The following TECTA variants were observed in gnomAD, a reference collection of about 807,000 sequenced individuals.
TECTA encodes tectorin alpha, also known as alpha-tectorin.
Under a neutral mutation model 216.8 loss-of-function variants are expected in TECTA, and 128 were observed. That is an observed-to-expected ratio of 0.59 (90% CI 0.51 to 0.68). The LOEUF is 0.68. Ranked by LOEUF, TECTA falls within the 30% of genes least tolerant of loss-of-function variation. TECTA has a pLI of 0.00. For synonymous variants in TECTA, 1,089 were observed against 1,117.1 expected (o/e 0.97, Z 0.50); for missense variants, 2,551 against 2,786.2 (o/e 0.92, Z 1.90).
At chr11:121,177,136 C>T (rs1314060033) in intron 20 of TECTA, among the ~76,000 whole-genome samples, 8 of 152,126 alleles carry the variant, frequency 5.3e-5, no homozygotes, top group East Asian at 1.9e-4. Flanking sequence ...TCCTGTAGCT[C>T]GGAGTAGTTT....
At chr11:121,188,150 G>A (rs999093286) in intron 21 of TECTA, among the ~76,000 whole-genome samples, 156 bp downstream of exon 21, 2 of 152,188 alleles carry the variant, frequency 1.3e-5, no homozygotes, top group East Asian at 3.9e-4. Flanking sequence ...AGAAAACGCA[G>A]GGAAATATAT....
Position 121,153,036 on chromosome 11 carries a change from C to G in TECTA, c.4261C>G (p.Leu1421Val). The change falls in exon 13 of 24, where the codon CTG (leucine) becomes GTG (valine). Residue 1421 changes from leucine to valine, a missense_variant. Physicochemically the swap from Leu to Val is conservative, Grantham distance 32. This residue lies in a region of TECTA where 2,375 missense variants were observed against 2,563.9 expected (regional missense o/e 0.93). Transcript: ENST00000392793. ...GYVLNGKSCI[L>V]PHSCGCYSDG... ...CGTCCTCAACGGCAAGAGCTGCATC[C>G]TGCCCCACAGCTGCGGCTGCTACTC... 6.2e-7 allele frequency: 1 copy of G among 1,614,186 alleles called. No individual in the cohort carries two copies. The highest frequency in any genetic ancestry group is 8.5e-7 in the Non-Finnish European group (1 of 1,180,038).
chr11:121,109,603 G>T (rs1946424633), intron 4 of TECTA, 105 bp downstream of exon 4: 1 of 1,380,862 alleles, frequency 7.2e-7, no homozygotes, highest in South Asian at 1.2e-5. Context: ...AGGAGTGTCA[G>T]TTCCCTTGAG....
chr11:121,130,162 C>G lies in TECTA; in HGVS notation c.2892C>G (p.Cys964Trp). The part of the protein sequence containing the change: ...CDSVARYASA[C>W]KNADVEVGPW... ...CTGTGGCCCGGTATGCAAGCGCCTG[C>G]AAGAATGCGGACGTGGAGGTGGGGC... Residue 964 changes from cysteine (C) to tryptophan (W), a missense_variant, in exon 10 of 24, where the codon TGC becomes TGG. This residue lies in a region of TECTA where 2,375 missense variants were observed against 2,563.9 expected (regional missense o/e 0.93). Coordinates refer to ENST00000392793, the MANE Select transcript of TECTA (RefSeq NM_005422.4). 1 of 1,606,112 alleles carries G rather than the reference C, an allele frequency of 6.2e-7. No homozygotes were observed. Among genetic ancestry groups the G allele is most frequent in the Non-Finnish European group, 8.5e-7 (1 of 1,179,990 alleles).
chr11:121,184,569 G>A, intron 20 of TECTA, among the ~76,000 whole-genome samples: 1 of 151,858 alleles, frequency 6.6e-6, no homozygotes, highest in Non-Finnish European at 1.5e-5. Context: ...GGTTTTCCAA[G>A]AGAAGAAGGG....
chr11:121,137,097 G>A (rs1946734573), intron 10 of TECTA, among the ~76,000 whole-genome samples: 2 of 152,142 alleles, frequency 1.3e-5, no homozygotes, highest in Admixed American at 1.3e-4. Context: ...CATATACAGA[G>A]GCACACACAT....
chr11:121,111,573 AG>A (rs1394900289), intron 4 of TECTA, among the ~76,000 whole-genome samples: 4 of 152,160 alleles, frequency 2.6e-5, no homozygotes, highest in African/African-American at 9.7e-5. Flanking sequence ...AGGTGACTTC[AG>A]GGGTTGGAAA....
At chr11:121,160,526 C>T in intron 15 of TECTA, 105 bp downstream of exon 15, 3 of 1,485,932 alleles carry the variant, frequency 2.0e-6, no homozygotes, top group Non-Finnish European at 2.8e-6. Context: ...TGCCCCTGCT[C>T]TCCTACAGAG....
chr11:121,102,001 C>T (rs1279120012), intron 1 of TECTA, among the ~76,000 whole-genome samples: 1 of 152,172 alleles, frequency 6.6e-6, no homozygotes, highest in Non-Finnish European at 1.5e-5. Context: ...GCGCTGGATT[C>T]TATTTTTATT....
intron 3 of TECTA, among the ~76,000 whole-genome samples, chr11:121,106,604 A>G (rs1269729708): frequency 2.0e-5 from 3 of 152,162 alleles, no homozygotes; most frequent in Non-Finnish European, 4.4e-5. Flanking sequence ...ACTGTGGCAC[A>G]TGAAGAGGAA....
rs746566852 is a variant in TECTA, at chr11:121,189,814, C to T, written c.6301C>T (p.Arg2101Trp). 6.8e-6 allele frequency: 11 copies of T among 1,613,762 alleles called. No individual in the cohort carries two copies. The highest frequency in any genetic ancestry group is 4.0e-5 in the African/African-American group (3 of 74,864). The part of the protein sequence containing the change: ...NGGCEQICTS[R>W]VDGPLCSCVT... The stretch of plus-strand genomic sequence containing the variant: ...AGGGTGTGAGCAGATTTGCACGAGC[C>T]GGGTGGATGGGCCTCTCTGCAGCTG... Residue 2101 changes from arginine (R) to tryptophan (W), a missense_variant, in exon 23 of 24, where the codon CGG (arginine) becomes TGG (tryptophan). Arg to Trp is a moderately radical substitution (Grantham distance 101). Around this residue, in one of 3 missense-constraint regions of TECTA, gnomAD observed 118 missense variants for 116.4 expected, o/e 1.01. Transcript: ENST00000392793.
At chr11:121,153,619 C>G (rs1017983166) in intron 13 of TECTA, among the ~76,000 whole-genome samples, 12 of 152,210 alleles carry the variant, frequency 7.9e-5, no homozygotes, top group African/African-American at 2.9e-4. Context: ...GGTATCATCC[C>G]TGGAGTTTGG....
At position 121,113,550 on chromosome 11, in the gene TECTA, C is replaced by G; in HGVS notation, c.625-3C>G. 6.2e-7 allele frequency: 1 copy of G among 1,614,016 alleles called. No individual in the cohort carries two copies. Among genetic ancestry groups the G allele is most frequent in the East Asian group, 2.2e-5 (1 of 44,882 alleles). On this transcript the variant is annotated splice_region_variant and splice_polypyrimidine_tract_variant and intron_variant, in intron 5 of 23. Coordinates refer to ENST00000392793, the MANE Select transcript of TECTA (RefSeq NM_005422.4). This position sits in a 1 kb window ranked among gnomAD's most constrained non-coding sequence, Gnocchi z 4.2. ...AAAATCTTGTCTTCCTTTTGTGCTG[C>G]AGGCAGGATTTAATGGTGGAAACCT... is the stretch of plus-strand genomic sequence containing the variant.
At chr11:121,107,463 G>A (rs1336590396) in intron 3 of TECTA, among the ~76,000 whole-genome samples, 1 of 152,150 alleles carries the variant, frequency 6.6e-6, no homozygotes, top group Non-Finnish European at 1.5e-5. Context: ...CAAACCCAAA[G>A]CCTTGCTTCC....
At chr11:121,152,353 G>A (rs552481528) in intron 12 of TECTA, among the ~76,000 whole-genome samples, 1 of 152,252 alleles carries the variant, frequency 6.6e-6, no homozygotes, top group Non-Finnish European at 1.5e-5. Flanking sequence ...AAAACGTTCT[G>A]TAGAAGCTCT....
rs989868830 is a variant in TECTA at position 121,105,367 on chromosome 11, G to A, written c.65-464G>A. ...TCCCACTGTTGTTTATTTCCTTCTG[G>A]GATCTGGGATTTTCTCCAATTGTGC... is the stretch of plus-strand genomic sequence containing the variant. On this transcript the variant is annotated intron_variant, in intron 2 of 23. Coordinates refer to ENST00000392793, the MANE Select transcript of TECTA (RefSeq NM_005422.4). This position sits in a 1 kb window ranked among gnomAD's most constrained non-coding sequence, Gnocchi z 5.3. Among the ~76,000 whole-genome samples the A allele has an allele frequency of 6.6e-6, 1 of 152,186 alleles. No individual in the cohort carries two copies. Among genetic ancestry groups the A allele is most frequent in the Non-Finnish European group, 1.5e-5 (1 of 68,036 alleles).
chr11:121,152,239 A>AT (rs1365774933), intron 12 of TECTA, among the ~76,000 whole-genome samples: 1 of 152,248 alleles, frequency 6.6e-6, no homozygotes, highest in Non-Finnish European at 1.5e-5. Flanking sequence ...ACACCCATGC[A>AT]TGCCAGCACG....
Position 121,135,003 on chromosome 11 carries a change from C to T in TECTA, c.2942-2418C>T, listed in dbSNP as rs188532559. ...GCAGAAGCAGTCACATGGAACATGG[C>T]TTTCTTGGGCTGAGGGCCAGGGCTC... On this transcript the variant is annotated intron_variant, in intron 10 of 23. Transcript: ENST00000392793. Among the ~76,000 whole-genome samples, 40 of 152,282 alleles carry T rather than the reference C, an allele frequency of 2.6e-4. 1 individual carries two copies. The East Asian group carries it at 4.6e-3, about 18-fold the overall frequency.
intron 11 of TECTA, chr11:121,140,973 G>A (rs1297269540): frequency 6.6e-6 from 1 of 152,196 alleles, no homozygotes; most frequent in Non-Finnish European, 1.5e-5. Flanking sequence ...ACCCACAATA[G>A]GGGGTCATTG....
Sources: allele counts gnomAD v4.1 joint callset (sites outside exome capture counted in the v4.1 genomes callset), GRCh38; gene constraint gnomAD v4.1.1; regional missense constraint gnomAD v4.1.1; non-coding constraint Gnocchi (gnomAD v3.1); transcripts MANE v1.5; gene names NCBI Gene and HGNC (gene_info 2026-07-23, HGNC 2026-07-21).